PACSIN2: variants seen among roughly 807,000 people sequenced by gnomAD.
The protein encoded by PACSIN2 is protein kinase C and casein kinase substrate in neurons 2.
A neutral mutation model predicts 63.8 loss-of-function variants in PACSIN2; 25 were observed. The ratio of observed to expected loss-of-function variants is 0.39; its 90% CI spans 0.29 to 0.55. The LOEUF (loss-of-function observed/expected upper bound fraction) is 0.55, where lower values mean the gene tolerates loss of function less well. Among genes scored for constraint, PACSIN2 ranks in the 20% least tolerant of loss-of-function variants. The pLI, the probability that PACSIN2 is intolerant of heterozygous loss-of-function variation, is 0.62. For missense variants in PACSIN2, 518 were observed against 646.9 expected (o/e 0.80, Z 2.16); for synonymous variants, 255 against 256.2 (o/e 1.00, Z 0.05).
intron 1 of PACSIN2, among the ~76,000 whole-genome samples, chr22:42,970,599 T>C (rs1223942740): frequency 2.0e-5 from 3 of 152,220 alleles, no homozygotes; most frequent in Non-Finnish European, 4.4e-5. Context: ...AAGTTTATTA[T>C]AGAAATAATA....
intron 2 of PACSIN2, among the ~76,000 whole-genome samples, chr22:42,906,216 G>A (rs755676409): frequency 2.0e-5 from 3 of 152,270 alleles, no homozygotes; most frequent in Non-Finnish European, 4.4e-5. Flanking sequence ...CCAGGCATGA[G>A]CCTGACTGAC....
chr22:42,925,496 AAGTATC>A (rs1381533461), intron 1 of PACSIN2, among the ~76,000 whole-genome samples: 1 of 151,912 alleles, frequency 6.6e-6, no homozygotes, highest in Non-Finnish European at 1.5e-5. Context: ...AAAAAAAAAA[AAGTATC>A]AGCTCTAGGA....
rs149694712 is a variant in PACSIN2, at chr22:42,920,045, C to T, written c.-77-7888G>A. 8.8e-4 allele frequency among the ~76,000 whole-genome samples: 133 copies of T among 151,898 alleles called. 1 individual carries two copies. Among genetic ancestry groups the T allele is most frequent in the African/African-American group, 2.8e-3 (115 of 41,420 alleles). ...ATCACTTGAGCCCAGGAGCTGGAGG[C>T]TGCAGTGAGCTACGATCATACTGCT... On this transcript the variant is annotated intron_variant, in intron 1 of 10. Transcript: ENST00000263246.
At position 42,992,343 on chromosome 22, in the gene PACSIN2, T is replaced by C. The variant is rs544341139; in HGVS notation, c.-78+22678A>G. On this transcript the variant is annotated intron_variant, in intron 1 of 10. Transcript: ENST00000263246. ...TGCGCGCAAAGCACTTTGGAAAAGT[T>C]TGGCAGTGTCTGGACATGTTAAACG... Among the ~76,000 whole-genome samples, 4 of 152,322 alleles carry C rather than the reference T, an allele frequency of 2.6e-5. No individual in the cohort carries two copies. The South Asian group carries it at 8.3e-4, about 32-fold the overall frequency.
chr22:42,994,061 T>A (rs1190223063), intron 1 of PACSIN2, among the ~76,000 whole-genome samples: 1 of 152,140 alleles, frequency 6.6e-6, no homozygotes, highest in Non-Finnish European at 1.5e-5. Context: ...AAAGCCGAAA[T>A]CAAATATGAG....
chr22:42,907,047 A>G (rs904910141), intron 2 of PACSIN2, among the ~76,000 whole-genome samples: 9 of 152,148 alleles, frequency 5.9e-5, no homozygotes, highest in African/African-American at 2.2e-4. Context: ...TTCCCAGAGC[A>G]GCTCCCTAGG....
Position 42,962,776 on chromosome 22 carries a change from G to GGGGC in PACSIN2, c.-77-50620_-77-50619insGCCC, listed in dbSNP as rs1491204408. On this transcript the variant is annotated intron_variant, in intron 1 of 10. Transcript: ENST00000263246. ...CCAGTCACAAGAGCAAGGTGTGGGC[G>GGGGC]GGGGGGGGGGGCGGCGCAGAAAAAG... Among the ~76,000 whole-genome samples the GGGGC allele has an allele frequency of 5.2e-3, 390 of 75,690 alleles. 24 individuals carry two copies. The East Asian group carries it at 0.069, about 13-fold the overall frequency. 49.7% of individuals were successfully genotyped at this position (75,690 alleles called of 152,430 possible). A position where few individuals can be genotyped will look rare whatever the true frequency, so the allele number is the denominator to read the frequency against.
chr22:42,905,201 C>G (rs889471702), intron 2 of PACSIN2, among the ~76,000 whole-genome samples: 1 of 152,266 alleles, frequency 6.6e-6, no homozygotes, highest in African/African-American at 2.4e-5. Flanking sequence ...CCAAAGAACT[C>G]TTTCTCTGCA....
chr22:43,014,797 G>A (rs1924774099), intron 1 of PACSIN2, among the ~76,000 whole-genome samples: 1 of 107,320 alleles, frequency 9.3e-6, no homozygotes, highest in Non-Finnish European at 1.9e-5. Flanking sequence ...ACTCGCCCTC[G>A]TCCTCCCCAA....
At chr22:42,888,181 T>A (rs1206544786) in intron 5 of PACSIN2, among the ~76,000 whole-genome samples, 1 of 151,900 alleles carries the variant, frequency 6.6e-6, no homozygotes, top group East Asian at 1.9e-4. Flanking sequence ...CATCCTAAGC[T>A]CCTTACTCAG....
intron 1 of PACSIN2, among the ~76,000 whole-genome samples, chr22:42,928,242 C>T (rs1569284806): frequency 6.6e-6 from 1 of 152,242 alleles, no homozygotes. Context: ...TAAAAAATGT[C>T]GCTGCCTCTG....
intron 1 of PACSIN2, among the ~76,000 whole-genome samples, chr22:42,975,630 C>CTT (rs1921648994): frequency 8.3e-6 from 1 of 120,774 alleles, no homozygotes; most frequent in Admixed American, 8.5e-5. Context: ...TTCCCTTTTT[C>CTT]TAACCAGAGC....
chr22:42,948,807 T>C lies in PACSIN2; in HGVS notation c.-77-36650A>G, dbSNP rs183407949. 2.4e-3 allele frequency among the ~76,000 whole-genome samples: 358 copies of C among 152,340 alleles called. 3 individuals carry two copies. Among genetic ancestry groups the C allele is most frequent in the Admixed American group, 0.018 (277 of 15,300 alleles). On this transcript the variant is annotated intron_variant, in intron 1 of 10. Coordinates refer to ENST00000263246, the MANE Select transcript of PACSIN2 (RefSeq NM_001184970.3). ...AAGCACTCTACTGTAGAGAAGAATA[T>C]GGAGCCAGTTTCGTGTGACAAACTG...
chr22:42,966,403 G>A lies in PACSIN2; in HGVS notation c.-78+48618C>T, dbSNP rs116236003. Among the ~76,000 whole-genome samples the A allele has an allele frequency of 5.1e-3, 759 of 150,038 alleles. 6 individuals carry two copies. The highest frequency in any genetic ancestry group is 0.018 in the African/African-American group (724 of 40,990). ...CCACTTGTCTTTACTCATCCAACACGTGTACATAAAAAGGAATAAACCAAG... is the reference window on the plus strand; with the variant it reads ...CCACTTGTCTTTACTCATCCAACACATGTACATAAAAAGGAATAAACCAAG... On this transcript the variant is annotated intron_variant, in intron 1 of 10. Transcript: ENST00000263246.
chr22:42,932,240 G>A (rs1281462845), intron 1 of PACSIN2, among the ~76,000 whole-genome samples: 1 of 152,136 alleles, frequency 6.6e-6, no homozygotes, highest in Non-Finnish European at 1.5e-5. Context: ...TGTTCCCTCT[G>A]CCAGGAATGT....
rs1601589941 is a variant in PACSIN2 at position 42,969,287 on chromosome 22, A to G, written c.-78+45734T>C. 2.0e-5 allele frequency among the ~76,000 whole-genome samples: 3 copies of G among 152,348 alleles called. No homozygotes were observed. The South Asian group carries it at 6.2e-4, about 32-fold the overall frequency. On this transcript the variant is annotated intron_variant, in intron 1 of 10. Transcript: ENST00000263246. ...TTTCTTTTCAACAAATGATCATGAC[A>G]TTACATGGTAAACTTTCTTTGTATT... is the stretch of plus-strand genomic sequence containing the variant.
intron 1 of PACSIN2, among the ~76,000 whole-genome samples, chr22:42,918,973 C>A (rs2146739145): frequency 6.6e-6 from 1 of 152,310 alleles, no homozygotes; most frequent in South Asian, 2.1e-4. Context: ...TCAGGTAGGG[C>A]ATGTTTCCTG....
intron 1 of PACSIN2, among the ~76,000 whole-genome samples, chr22:42,939,010 G>A (rs1224381543): frequency 1.3e-5 from 2 of 152,314 alleles, no homozygotes; most frequent in African/African-American, 2.4e-5. Context: ...CATTCAGACC[G>A]CTTGCTCCAG....
At chr22:43,005,984 G>A (rs934182797) in intron 1 of PACSIN2, among the ~76,000 whole-genome samples, 1 of 151,664 alleles carries the variant, frequency 6.6e-6, no homozygotes. Context: ...GTTGAGATAG[G>A]GTCTCACTAT....
Sources: gnomAD v4.1 joint callset for allele counts (sites outside exome capture counted in the v4.1 genomes callset) on GRCh38, gnomAD v4.1.1 for gene constraint, MANE v1.5 for transcripts, NCBI Gene and HGNC (gene_info 2026-07-23, HGNC 2026-07-21) for gene names.